The following CLPX variants were observed in gnomAD, a reference collection of about 807,000 sequenced individuals.
CLPX encodes the protein ATP-dependent clpX-like chaperone, mitochondrial.
In CLPX, 34 loss-of-function variants were observed where a neutral mutation model predicts 76.4. That is an observed-to-expected ratio of 0.45 (90% CI 0.34 to 0.59). CLPX has a LOEUF of 0.59. Ranked by LOEUF, CLPX falls within the 20% of genes least tolerant of loss-of-function variation. The pLI, the probability that CLPX is intolerant of heterozygous loss-of-function variation, is 0.01. For synonymous variants in CLPX, 248 were observed against 270.9 expected (o/e 0.92, Z 0.83); for missense variants, 613 against 757.0 (o/e 0.81, Z 2.23).
chr15:65,152,439 C>G lies in CLPX; in HGVS notation c.1802G>C (p.Gly601Ala), dbSNP rs1006264720. 3.3e-6 allele frequency: 5 copies of G among 1,528,656 alleles called. No homozygotes were observed. The highest frequency in any genetic ancestry group is 4.4e-6 in the Non-Finnish European group (5 of 1,131,550). The allele number at this position is 1,528,656 out of a possible 1,614,324, so 94.7% of individuals were successfully genotyped here. Residue 601 changes from glycine to alanine, a missense_variant, in exon 13 of 14, where the codon GGA (glycine) becomes GCA (alanine). Physicochemically the swap from Gly to Ala is moderately conservative, Grantham distance 60 (BLOSUM62 0). Coordinates refer to ENST00000300107, the MANE Select transcript of CLPX (RefSeq NM_006660.5). The part of the protein sequence containing the change: ...KEVVEGKKEP[G>A]YIRAPTKESS... ...TGAAAATACACTTTACCGGATGTAT[C>G]CTGGTTCCTTTTTTCCTTCTACTAC...
rs201270251 is a variant in CLPX at position 65,185,034 on chromosome 15, C to G, written c.79+41G>C. The G allele has an allele frequency of 1.9e-4, 296 of 1,519,190 alleles. 1 individual carries two copies. Among genetic ancestry groups the G allele is most frequent in the African/African-American group, 1.8e-3 (130 of 72,650 alleles). The allele number at this position is 1,519,190 out of a possible 1,614,324, so 94.1% of individuals were successfully genotyped here. On this transcript the variant is annotated intron_variant, in intron 1 of 13. Coordinates refer to ENST00000300107, the MANE Select transcript of CLPX (RefSeq NM_006660.5). The stretch of plus-strand genomic sequence containing the variant: ...CAACCATTGGCCAGTCCACCCCCCC[C>G]CCGACAGGCTGAGGGCTCAGGAGTG...
intron 12 of CLPX, 113 bp downstream of exon 12, chr15:65,153,434 A>T: frequency 1.4e-6 from 1 of 706,084 alleles, no homozygotes; most frequent in Non-Finnish European, 2.4e-6. Context: ...CCTTTATTTG[A>T]GACTCTGTCT....
At chr15:65,179,176 T>A (rs905272465) in intron 2 of CLPX, 125 bp from the exon 3 acceptor site, 19 of 546,104 alleles carry the variant, frequency 3.5e-5, no homozygotes, top group Non-Finnish European at 4.9e-5. Flanking sequence ...ATGAAATTAT[T>A]AGTATATTTT....
intron 3 of CLPX, among the ~76,000 whole-genome samples, chr15:65,177,355 C>T (rs985529015): frequency 2.0e-5 from 3 of 152,284 alleles, no homozygotes; most frequent in Non-Finnish European, 4.4e-5. Flanking sequence ...TGGTGTGAGC[C>T]ACAGCGCCTG....
intron 1 of CLPX, chr15:65,184,580 G>C (rs1322569565): frequency 6.3e-6 from 1 of 158,246 alleles, no homozygotes; most frequent in Admixed American, 6.3e-5. Flanking sequence ...GCTTGCGTCC[G>C]GGACGGCCAG....
At chr15:65,157,230 T>G (rs754545297) in intron 8 of CLPX, among the ~76,000 whole-genome samples, 13 of 152,246 alleles carry the variant, frequency 8.5e-5, no homozygotes, top group Non-Finnish European at 1.5e-4. Flanking sequence ...AGGAGGTATC[T>G]GCAGTGCTAG....
At chr15:65,176,502 G>T (rs1038479981) in intron 3 of CLPX, among the ~76,000 whole-genome samples, 10 of 151,872 alleles carry the variant, frequency 6.6e-5, no homozygotes, top group African/African-American at 2.2e-4. Flanking sequence ...CAAAATTAAG[G>T]GTGCAAGAAT....
In CLPX at chr15:65,185,116, G is replaced by C. The variant is rs773791111; in HGVS notation, c.38C>G (p.Ala13Gly). The change falls in exon 1 of 14, where the codon GCC becomes GGC. Residue 13 changes from alanine (A) to glycine (G), a missense_variant. Ala to Gly is a moderately conservative substitution (Grantham distance 60, BLOSUM62 0). Coordinates refer to ENST00000300107, the MANE Select transcript of CLPX (RefSeq NM_006660.5). ...SCGACTCGAA[A>G]VRLITSSLAS... ...GAGTGAGGAGGTGATGAGCCGGACG[G>C]CCGCCGCGCCGCAAGTACAAGCACC... is the stretch of plus-strand genomic sequence containing the variant. 5.1e-6 allele frequency: 8 copies of C among 1,580,420 alleles called. No individual in the cohort carries two copies. The highest frequency in any genetic ancestry group is 6.0e-6 in the Non-Finnish European group (7 of 1,164,000).
chr15:65,164,156 G>C lies in CLPX; in HGVS notation c.546C>G (p.Gly182=). The change falls in exon 5 of 14, where the codon GGC becomes GGG. Residue 182 remains glycine, a synonymous_variant. Transcript: ENST00000300107. ...IYNYLDKYVV[G]QSFAKKVLSV... ...AAAGCACCTTCTTAGCAAATGACTG[G>C]CCAACAACATACTTGTCGAGGTAGT... 1 of 1,611,600 alleles carries C rather than the reference G, an allele frequency of 6.2e-7. No individual in the cohort carries two copies. Among genetic ancestry groups the C allele is most frequent in the Non-Finnish European group, 8.5e-7 (1 of 1,178,672 alleles).
Position 65,185,269 on chromosome 15 carries a change from C to G in CLPX, c.-116G>C. ...CCGAACCCTTTCGCGGGCCCTAGAC[C>G]CCGTGGAGAGTTCACCTGCCCGGCA... On this transcript the variant is annotated 5_prime_UTR_variant, in exon 1 of 14. Coordinates refer to ENST00000300107, the MANE Select transcript of CLPX (RefSeq NM_006660.5). 1 of 805,240 alleles carries G rather than the reference C, an allele frequency of 1.2e-6. No homozygotes were observed. The highest frequency in any genetic ancestry group is 2.0e-6 in the Non-Finnish European group (1 of 504,354). 49.9% of individuals were successfully genotyped at this position (805,240 alleles called of 1,614,324 possible). A position where few individuals can be genotyped will look rare whatever the true frequency, so the allele number is the denominator to read the frequency against.
intron 6 of CLPX, among the ~76,000 whole-genome samples, chr15:65,160,838 T>G (rs1425874495): frequency 6.6e-6 from 1 of 152,134 alleles, no homozygotes; most frequent in Non-Finnish European, 1.5e-5. Context: ...TTGAGACAAC[T>G]CTCCGATTCT....
intron 3 of CLPX, among the ~76,000 whole-genome samples, chr15:65,172,529 A>G (rs2088024512): frequency 6.6e-6 from 1 of 152,022 alleles, no homozygotes; most frequent in Non-Finnish European, 1.5e-5. Flanking sequence ...GCTACTCAGG[A>G]GCCTGAGGCT....
rs2087781580 is a variant in CLPX at position 65,155,746 on chromosome 15, T to C, written c.1257A>G (p.Ala419=). 6.2e-7 allele frequency: 1 copy of C among 1,614,024 alleles called. No homozygotes were observed. The highest frequency in any genetic ancestry group is 2.2e-5 in the East Asian group (1 of 44,882). Residue 419 remains alanine, a synonymous_variant, in exon 10 of 14, where the codon GCA becomes GCG. Coordinates refer to ENST00000300107, the MANE Select transcript of CLPX (RefSeq NM_006660.5). ...TGTCTAAACCATTGAAAGCACCAGA[T>C]GCCACAAACAGGATGTTTGTTGTAT... The part of the protein sequence containing the change: ...QVDTTNILFV[A]SGAFNGLDRI...
At chr15:65,170,929 TCTC>T (rs1457770931) in intron 3 of CLPX, among the ~76,000 whole-genome samples, 1 of 144,776 alleles carries the variant, frequency 6.9e-6, no homozygotes, top group Non-Finnish European at 1.5e-5. Flanking sequence ...TCCAAGCAAT[TCTC>T]CTGCCTCAGC....
intron 11 of CLPX, among the ~76,000 whole-genome samples, chr15:65,154,278 G>C (rs775210900): frequency 1.3e-5 from 2 of 152,112 alleles, no homozygotes; most frequent in Non-Finnish European, 2.9e-5. Flanking sequence ...AATATCAAAG[G>C]GGCTTGACTT....
rs1418582889 is a variant in CLPX, at chr15:65,185,083, G to A, written c.71C>T (p.Ala24Val). 1.3e-6 allele frequency: 2 copies of A among 1,577,536 alleles called. No individual in the cohort carries two copies. Among genetic ancestry groups the A allele is most frequent in the Non-Finnish European group, 1.7e-6 (2 of 1,162,846 alleles). ...TGGCACTATTTCGTTACCTCTCTGCGCGGAGGCGAGTGAGGAGGTGATGAG... is the reference window on the plus strand; with the variant it reads ...TGGCACTATTTCGTTACCTCTCTGCACGGAGGCGAGTGAGGAGGTGATGAG... ...VRLITSSLAS[A>V]QRGISGGRIH... is the part of the protein sequence containing the mutation. Residue 24 changes from alanine to valine, a missense_variant, in exon 1 of 14, where the codon GCG (alanine) becomes GTG (valine). Physicochemically the swap from Ala to Val is moderately conservative, Grantham distance 64. Transcript: ENST00000300107.
At position 65,185,249 on chromosome 15, in the gene CLPX, C is replaced by G; in HGVS notation, c.-96G>C. On this transcript the variant is annotated 5_prime_UTR_variant, in exon 1 of 14. Coordinates refer to ENST00000300107, the MANE Select transcript of CLPX (RefSeq NM_006660.5). ...CAAGGCGCGCTGACTCGGTTCCGAA[C>G]CCTTTCGCGGGCCCTAGACCCCGTG... 3 of 1,052,298 alleles carry G rather than the reference C, an allele frequency of 2.9e-6. No individual in the cohort carries two copies. Among genetic ancestry groups the G allele is most frequent in the Non-Finnish European group, 4.2e-6 (3 of 712,116 alleles). The allele number at this position is 1,052,298 out of a possible 1,614,324, so 65.2% of individuals were successfully genotyped here.
intron 3 of CLPX, among the ~76,000 whole-genome samples, chr15:65,167,166 G>A (rs2087926688): frequency 6.6e-6 from 1 of 152,156 alleles, no homozygotes; most frequent in South Asian, 2.1e-4. Flanking sequence ...TGCCTCCTGG[G>A]TTCAAGCAAT....
chr15:65,174,770 ATATGAAAAGT>A (rs1397575496), intron 3 of CLPX, among the ~76,000 whole-genome samples: 1 of 152,214 alleles, frequency 6.6e-6, no homozygotes. Flanking sequence ...GAGACCACAC[ATATGAAAAGT>A]TAGCTCCTCA....
Sources: gnomAD v4.1 joint callset for allele counts (sites outside exome capture counted in the v4.1 genomes callset) on GRCh38, gnomAD v4.1.1 for gene constraint, MANE v1.5 for transcripts, NCBI Gene and HGNC (gene_info 2026-07-23, HGNC 2026-07-21) for gene names.